Variants in CACNA2D3 observed in about 807,000 individuals in gnomAD.
The protein encoded by CACNA2D3 is calcium voltage-gated channel auxiliary subunit alpha2delta 3.
In CACNA2D3, 60 loss-of-function variants were observed where a neutral mutation model predicts 160.6. The ratio of observed to expected loss-of-function variants is 0.37; its 90% CI spans 0.30 to 0.46. The LOEUF is 0.46. Among genes scored for constraint, CACNA2D3 ranks in the 20% least tolerant of loss-of-function variants. The pLI is 1.00. For synonymous variants in CACNA2D3, 558 were observed against 492.9 expected (o/e 1.13, Z -1.75); for missense variants, 1,205 against 1,365.0 (o/e 0.88, Z 1.85).
At chr3:54,463,140 G>A (rs1246871343) in intron 4 of CACNA2D3, among the ~76,000 whole-genome samples, 1 of 152,068 alleles carries the variant, frequency 6.6e-6, no homozygotes, top group Non-Finnish European at 1.5e-5. Context: ...TCCGCCGAGA[G>A]ATCCGCTGTT....
rs1190921989 is a variant in CACNA2D3 at position 55,074,379 on chromosome 3, CA to C, written c.*178del. Reference sequence around the variant, plus strand: ...ATATAAACTCTTAAAGATATGTTGACAAAAAGTTATCTATCATCTTTTTACT... The same window carrying C: ...ATATAAACTCTTAAAGATATGTTGACAAAAGTTATCTATCATCTTTTTACT... On this transcript the variant is annotated 3_prime_UTR_variant, in exon 38 of 38. Coordinates refer to ENST00000474759, the MANE Select transcript of CACNA2D3 (RefSeq NM_018398.3). 4 of 586,080 alleles carry C rather than the reference CA, an allele frequency of 6.8e-6. No homozygotes were observed. Among genetic ancestry groups the C allele is most frequent in the East Asian group, 2.9e-5 (1 of 34,802 alleles). The allele number at this position is 586,080 out of a possible 1,614,324, so 36.3% of individuals were successfully genotyped here.
At chr3:54,588,190 C>G (rs992923600) in intron 9 of CACNA2D3, among the ~76,000 whole-genome samples, 2 of 152,156 alleles carry the variant, frequency 1.3e-5, no homozygotes, top group African/African-American at 4.8e-5. Context: ...TCTACTATAT[C>G]AACAAGCTGA....
At chr3:54,897,146 T>G (rs1407185759) in intron 26 of CACNA2D3, among the ~76,000 whole-genome samples, 1 of 152,180 alleles carries the variant, frequency 6.6e-6, no homozygotes, top group African/African-American at 2.4e-5. Flanking sequence ...TAGAAACTTG[T>G]CAGTCAGTTT....
chr3:54,193,168 T>C (rs1701012937), intron 2 of CACNA2D3, among the ~76,000 whole-genome samples: 1 of 151,686 alleles, frequency 6.6e-6, no homozygotes, highest in Non-Finnish European at 1.5e-5. Context: ...AAGTGATACT[T>C]CCCAGTTATG....
At chr3:54,557,473 G>A (rs565517383) in intron 5 of CACNA2D3, among the ~76,000 whole-genome samples, 4 of 152,134 alleles carry the variant, frequency 2.6e-5, no homozygotes, top group Non-Finnish European at 5.9e-5. Context: ...TGTCAAAACT[G>A]GGCAAATCCC....
chr3:54,503,383 A>G (rs1181538656), intron 4 of CACNA2D3, 109 bp from the exon 5 acceptor site: 2 of 895,410 alleles, frequency 2.2e-6, no homozygotes, highest in Non-Finnish European at 3.6e-6. Flanking sequence ...ATGTGAGCAG[A>G]TCAGGGTCCA....
intron 31 of CACNA2D3, among the ~76,000 whole-genome samples, chr3:54,990,942 C>T (rs1702725052): frequency 6.6e-6 from 1 of 152,206 alleles, no homozygotes; most frequent in Non-Finnish European, 1.5e-5. Flanking sequence ...CACTCTTGGG[C>T]ACTTTAGTTG....
At chr3:55,049,521 C>T (rs1437687727) in intron 35 of CACNA2D3, among the ~76,000 whole-genome samples, 1 of 138,958 alleles carries the variant, frequency 7.2e-6, no homozygotes, top group Non-Finnish European at 1.5e-5. Flanking sequence ...CTTTACTTCC[C>T]AGTATGTGGT....
At chr3:54,301,258 A>AAACAAACAAACAACAACAAC (rs1703469716) in intron 2 of CACNA2D3, among the ~76,000 whole-genome samples, 1 of 147,902 alleles carries the variant, frequency 6.8e-6, no homozygotes, top group African/African-American at 2.5e-5. Context: ...TCCTGTCTCA[A>AAACAAACAAACAACAACAAC]AACAAACAAA....
chr3:55,066,780 C>T (rs543634305), intron 35 of CACNA2D3, among the ~76,000 whole-genome samples: 2 of 152,288 alleles, frequency 1.3e-5, no homozygotes, highest in Admixed American at 6.5e-5. Flanking sequence ...TTATTTCACG[C>T]ATTTTGACCT....
intron 2 of CACNA2D3, among the ~76,000 whole-genome samples, chr3:54,187,691 A>G (rs1359744410): frequency 1.3e-5 from 2 of 152,176 alleles, no homozygotes; most frequent in East Asian, 1.9e-4. Flanking sequence ...GGGTACAGGG[A>G]TGGTTTCAGG....
At chr3:54,934,324 C>T (rs1701277001) in intron 27 of CACNA2D3, among the ~76,000 whole-genome samples, 1 of 152,068 alleles carries the variant, frequency 6.6e-6, no homozygotes, top group East Asian at 1.9e-4. Flanking sequence ...AACATAGTTC[C>T]CTCTTGAGCC....
At chr3:54,191,004 CA>C (rs1317848149) in intron 2 of CACNA2D3, among the ~76,000 whole-genome samples, 5 of 139,400 alleles carry the variant, frequency 3.6e-5, no homozygotes, top group East Asian at 4.3e-4. Flanking sequence ...AACCTGCCAT[CA>C]TATATGGTGT....
chr3:54,170,324 C>T (rs1700540037), intron 2 of CACNA2D3, among the ~76,000 whole-genome samples: 1 of 152,102 alleles, frequency 6.6e-6, no homozygotes, highest in Non-Finnish European at 1.5e-5. Flanking sequence ...TGTTGACCTT[C>T]AGAGAGAGGC....
chr3:54,287,109 T>G (rs963281680), intron 2 of CACNA2D3, among the ~76,000 whole-genome samples: 1 of 151,720 alleles, frequency 6.6e-6, no homozygotes, highest in African/African-American at 2.4e-5. Context: ...GACTAAATGC[T>G]CCAATTAAAA....
At chr3:54,847,325 A>C (rs189795057) in intron 17 of CACNA2D3, among the ~76,000 whole-genome samples, 1 of 152,244 alleles carries the variant, frequency 6.6e-6, no homozygotes, top group Non-Finnish European at 1.5e-5. Context: ...AAGTTAAGAA[A>C]GTGTAGATCG....
At chr3:55,013,117 A>G (rs1703246555) in intron 34 of CACNA2D3, among the ~76,000 whole-genome samples, 1 of 152,180 alleles carries the variant, frequency 6.6e-6, no homozygotes, top group South Asian at 2.1e-4. Flanking sequence ...TAATTGCATC[A>G]TTGATGCATG....
chr3:54,540,765 C>T (rs1185518841), intron 5 of CACNA2D3, among the ~76,000 whole-genome samples: 1 of 152,056 alleles, frequency 6.6e-6, no homozygotes, highest in Non-Finnish European at 1.5e-5. Context: ...ATTTAATTAC[C>T]ACCCAAAGAC....
intron 31 of CACNA2D3, among the ~76,000 whole-genome samples, chr3:54,997,124 A>G (rs1043413742): frequency 6.6e-6 from 1 of 152,192 alleles, no homozygotes; most frequent in Non-Finnish European, 1.5e-5. Flanking sequence ...ATACCTAGGT[A>G]ACAAACCTGC....
Sources: allele counts gnomAD v4.1 joint callset (sites outside exome capture counted in the v4.1 genomes callset), GRCh38; gene constraint gnomAD v4.1.1; transcripts MANE v1.5; gene names NCBI Gene and HGNC (gene_info 2026-07-23, HGNC 2026-07-21).